The following OR51L1 variants were observed in gnomAD, a reference collection of about 807,000 sequenced individuals.
OR51L1 encodes the protein olfactory receptor 51L1.
In OR51L1, 1 loss-of-function variant was observed where a neutral mutation model predicts 1.4. The ratio of observed to expected loss-of-function variants is 0.72; its 90% CI spans 0.26 to 3.42. OR51L1 has a LOEUF of 3.42. Among genes scored for constraint, OR51L1 ranks in the 30% most tolerant of loss-of-function variants. The pLI is 0.20. For synonymous variants in OR51L1, 156 were observed against 144.2 expected (o/e 1.08, Z -0.59); for missense variants, 378 against 380.0 (o/e 0.99, Z 0.04).
chr11:5,000,636 T>G lies in OR51L1; in HGVS notation c.*706T>G, dbSNP rs1847121529. The G allele has an allele frequency of 6.6e-6, 1 of 152,182 alleles. No individual in the cohort carries two copies. The highest frequency in any genetic ancestry group is 1.5e-5 in the Non-Finnish European group (1 of 68,046). 9.4% of individuals were successfully genotyped at this position (152,182 alleles called of 1,614,324 possible). ...AATCATATAACAAGAATGAAGGTGG[T>G]AAGAAGAATGTTACTATTCCAGAGC... On this transcript the variant is annotated 3_prime_UTR_variant, in exon 3 of 3. Coordinates refer to ENST00000641819, the MANE Select transcript of OR51L1 (RefSeq NM_001004755.2).
At position 4,999,028 on chromosome 11, in the gene OR51L1, C is replaced by T; in HGVS notation, c.46C>T (p.Leu16=). 6.2e-7 allele frequency: 1 copy of T among 1,613,984 alleles called. No individual in the cohort carries two copies. Among genetic ancestry groups the T allele is most frequent in the South Asian group, 1.1e-5 (1 of 91,068 alleles). The part of the protein sequence containing the change: ...NSDAVEPIFI[L]RGFPGLEYVH... ...TGATGCTGTGGAGCCCATATTTATCCTGAGGGGTTTTCCTGGACTGGAGTA... is the reference window on the plus strand; with the variant it reads ...TGATGCTGTGGAGCCCATATTTATCTTGAGGGGTTTTCCTGGACTGGAGTA... Residue 16 remains leucine, a synonymous_variant, in exon 3 of 3, where the codon CTG becomes TTG. Transcript: ENST00000641819.
Position 5,000,602 on chromosome 11 carries a change from C to G in OR51L1, c.*672C>G, listed in dbSNP as rs1451931927. 6.6e-6 allele frequency: 1 copy of G among 152,108 alleles called. No homozygotes were observed. Among genetic ancestry groups the G allele is most frequent in the African/African-American group, 2.4e-5 (1 of 41,400 alleles). The allele number at this position is 152,108 out of a possible 1,614,324, so 9.4% of individuals were successfully genotyped here. ...TACCAAATATAGTTTCAGTTGATGC[C>G]ACTTGCAAAATCATATAACAAGAAT... is the stretch of plus-strand genomic sequence containing the variant. On this transcript the variant is annotated 3_prime_UTR_variant, in exon 3 of 3. Transcript: ENST00000641819.
At chr11:4,995,996 A>G (rs1294359410) in intron 1 of OR51L1, among the ~76,000 whole-genome samples, 2 of 152,106 alleles carry the variant, frequency 1.3e-5, no homozygotes, top group African/African-American at 4.8e-5. Context: ...GCAGTTATGT[A>G]GGAAGAATAA....
At position 4,999,293 on chromosome 11, in the gene OR51L1, T is replaced by A. The variant is rs1847102023; in HGVS notation, c.311T>A (p.Phe104Tyr). The A allele has an allele frequency of 1.9e-6, 3 of 1,614,174 alleles. No individual in the cohort carries two copies. Among genetic ancestry groups the A allele is most frequent in the Non-Finnish European group, 2.5e-6 (3 of 1,180,022 alleles). The change falls in exon 3 of 3, where the codon TTC becomes TAC. Residue 104 changes from phenylalanine (F) to tyrosine (Y), a missense_variant. Coordinates refer to ENST00000641819, the MANE Select transcript of OR51L1 (RefSeq NM_001004755.2). ...GCAAGTGCTTGCTATGCTCAGCTGT[T>A]CTTCATCCACACATTCACATTCCTG... ...IQASACYAQL[F>Y]FIHTFTFLES...
intron 2 of OR51L1, among the ~76,000 whole-genome samples, chr11:4,997,952 C>A (rs1249266192): frequency 6.6e-6 from 1 of 151,950 alleles, no homozygotes; most frequent in African/African-American, 2.4e-5. Flanking sequence ...GATTGATGAT[C>A]TTTTAAAAAT....
In OR51L1 at chr11:4,999,203, G is replaced by A; in HGVS notation, c.221G>A (p.Gly74Glu). 2 of 1,614,104 alleles carry A rather than the reference G, an allele frequency of 1.2e-6. No individual in the cohort carries two copies. Among genetic ancestry groups the A allele is most frequent in the South Asian group, 2.2e-5 (2 of 91,068 alleles). ...TCCATCTTAGCAGTGAATGACCTGG[G>A]GATGTCCCTGTCTACACTTCCCACC... ...FISILAVNDLGMSLSTLPTML... is the reference protein window; with the variant it reads ...FISILAVNDLEMSLSTLPTML... Residue 74 changes from glycine (G) to glutamate (E), a missense_variant, in exon 3 of 3, where the codon GGG becomes GAG. Physicochemically the swap from Gly to Glu is moderately conservative, Grantham distance 98. Transcript: ENST00000641819.
intron 2 of OR51L1, 105 bp from the exon 3 acceptor site, chr11:4,998,719 A>C: frequency 2.6e-6 from 1 of 391,750 alleles, no homozygotes; most frequent in Non-Finnish European, 4.5e-6. Context: ...AGTGTCTTTG[A>C]TGCAAATCCA....
intron 1 of OR51L1, among the ~76,000 whole-genome samples, chr11:4,996,701 TC>T: frequency 9.1e-6 from 1 of 109,436 alleles, no homozygotes; most frequent in Non-Finnish European, 1.9e-5. Flanking sequence ...TTCTTTCTTT[TC>T]CTTCCTTCCT....
intron 1 of OR51L1, among the ~76,000 whole-genome samples, chr11:4,996,669 C>A (rs1437550175): frequency 6.6e-6 from 1 of 151,748 alleles, no homozygotes; most frequent in South Asian, 2.1e-4. Context: ...TTTTCTTTTT[C>A]TTTTTTTCTC....
At chr11:4,998,079 G>A (rs988850420) in intron 2 of OR51L1, among the ~76,000 whole-genome samples, 25 of 151,982 alleles carry the variant, frequency 1.6e-4, no homozygotes, top group African/African-American at 5.8e-4. Flanking sequence ...TAAATGCATT[G>A]TTCTCATTTT....
In OR51L1 at chr11:4,999,911, TC is replaced by T. The variant is rs1847114111; in HGVS notation, c.931del (p.Leu311Ter). 3.1e-6 allele frequency: 5 copies of T among 1,610,222 alleles called. No individual in the cohort carries two copies. In the African/African-American group the frequency reaches 6.7e-5, roughly 22 times the overall value. Reference protein sequence around the residue: ...QIRLGILHKFVLRRRF With the variant: ...QIRLGILHKFXLRRRF ...CGTCTAGGAATTCTCCACAAGTTTG[TC>T]CTAAGGAGGAGGTTTTAAGTAACCT... On this transcript the variant is annotated frameshift_variant, in exon 3 of 3. Coordinates refer to ENST00000641819, the MANE Select transcript of OR51L1 (RefSeq NM_001004755.2). LOFTEE classifies it high-confidence loss of function.
rs892507024 is a variant in OR51L1, at chr11:5,003,097, G to A, written c.*3167G>A. 5.3e-5 allele frequency: 8 copies of A among 152,352 alleles called. No individual in the cohort carries two copies. The East Asian group carries it at 1.5e-3, about 29-fold the overall frequency. The allele number at this position is 152,352 out of a possible 1,614,324, so 9.4% of individuals were successfully genotyped here. Reference sequence around the variant, plus strand: ...AGAGATCAAGGCAAGTTTCGAGCAGGAGTGGAAGTTTATTTAAAAATGCTT... The same window carrying A: ...AGAGATCAAGGCAAGTTTCGAGCAGAAGTGGAAGTTTATTTAAAAATGCTT... On this transcript the variant is annotated 3_prime_UTR_variant, in exon 3 of 3. Coordinates refer to ENST00000641819, the MANE Select transcript of OR51L1 (RefSeq NM_001004755.2).
Position 4,999,159 on chromosome 11 carries a change from G to A in OR51L1, c.177G>A (p.Gln59=). 6.2e-7 allele frequency: 1 copy of A among 1,613,938 alleles called. No homozygotes were observed. Among genetic ancestry groups the A allele is most frequent in the Admixed American group, 1.7e-5 (1 of 60,022 alleles). The part of the protein sequence containing the change: ...SVIWIESSLH[Q]PMYYFISILA... ...TTTGGATAGAATCCTCTCTCCATCA[G>A]CCCATGTATTACTTTATTTCCATCT... Residue 59 remains glutamine, a synonymous_variant, in exon 3 of 3, where the codon CAG becomes CAA. Transcript: ENST00000641819.
chr11:4,996,734 T>A (rs1282369002), intron 1 of OR51L1, among the ~76,000 whole-genome samples: 1 of 145,112 alleles, frequency 6.9e-6, no homozygotes, highest in Admixed American at 6.9e-5. Context: ...TCTTTCTTTC[T>A]TTCTTTCTTT....
At position 4,996,642 on chromosome 11, in the gene OR51L1, C is replaced by G. The variant is rs140622770; in HGVS notation, c.-261-840C>G. Among the ~76,000 whole-genome samples the G allele has an allele frequency of 6.4e-3, 972 of 152,156 alleles. 17 individuals carry two copies. The highest frequency in any genetic ancestry group is 0.022 in the African/African-American group (931 of 41,548). On this transcript the variant is annotated intron_variant, in intron 1 of 2. Coordinates refer to ENST00000641819, the MANE Select transcript of OR51L1 (RefSeq NM_001004755.2). ...TGGGGTAAAATAAACTACTTCTCCACTGTGGCCACAGTTTTCTTTTCTTTT... is the reference window on the plus strand; with the variant it reads ...TGGGGTAAAATAAACTACTTCTCCAGTGTGGCCACAGTTTTCTTTTCTTTT...
At chr11:4,995,713 T>A (rs1444814906) in intron 1 of OR51L1, among the ~76,000 whole-genome samples, 2 of 152,114 alleles carry the variant, frequency 1.3e-5, no homozygotes, top group African/African-American at 4.8e-5. Flanking sequence ...CCAGTTCTTT[T>A]CTATTATTTC....
At position 4,999,633 on chromosome 11, in the gene OR51L1, T is replaced by G. The variant is rs1847109280; in HGVS notation, c.651T>G (p.Leu217=). Residue 217 remains leucine, a synonymous_variant, in exon 3 of 3, where the codon CTT becomes CTG. Coordinates refer to ENST00000641819, the MANE Select transcript of OR51L1 (RefSeq NM_001004755.2). ...ATLGVDSIFI[L]LSYVLILNTV... Reference sequence around the variant, plus strand: ...TAGGTGTGGATTCAATCTTCATACTTCTTTCTTATGTTCTGATTCTTAATA... The same window carrying G: ...TAGGTGTGGATTCAATCTTCATACTGCTTTCTTATGTTCTGATTCTTAATA... 2 of 1,613,874 alleles carry G rather than the reference T, an allele frequency of 1.2e-6. No individual in the cohort carries two copies. The highest frequency in any genetic ancestry group is 1.7e-6 in the Non-Finnish European group (2 of 1,179,946).
Position 4,999,956 on chromosome 11 carries a change from A to C in OR51L1, c.*26A>C. The C allele has an allele frequency of 6.4e-7, 1 of 1,558,558 alleles. No homozygotes were observed. The highest frequency in any genetic ancestry group is 1.2e-5 in the South Asian group (1 of 82,594). ...GTAACCTCTGTCCTCCAACTTTTCC[A>C]CTGAAAATCTCATGGAAGCTGTTTT... On this transcript the variant is annotated 3_prime_UTR_variant, in exon 3 of 3. Transcript: ENST00000641819.
intron 2 of OR51L1, 142 bp from the exon 3 acceptor site, chr11:4,998,682 T>C (rs1329462625): frequency 2.5e-5 from 7 of 281,552 alleles, no homozygotes; most frequent in Admixed American, 4.6e-5. Flanking sequence ...TTCTTTTTTC[T>C]CTATTCTCAC....
Sources: gnomAD v4.1 joint callset for allele counts (sites outside exome capture counted in the v4.1 genomes callset) on GRCh38, gnomAD v4.1.1 for gene constraint, MANE v1.5 for transcripts, NCBI Gene and HGNC (gene_info 2026-07-23, HGNC 2026-07-21) for gene names.